ZNF407: variants seen among roughly 807,000 people sequenced by gnomAD.
ZNF407 encodes the protein zinc finger protein 407.
In ZNF407, 17 loss-of-function variants were observed where a neutral mutation model predicts 131.2. That is an observed-to-expected ratio of 0.13 (90% CI 0.09 to 0.19). The LOEUF (loss-of-function observed/expected upper bound fraction) is 0.19. Among genes scored for constraint, ZNF407 ranks in the 10% least tolerant of loss-of-function variants. The pLI, the probability that ZNF407 is intolerant of heterozygous loss-of-function variation, is 1.00. For missense variants in ZNF407, 2,681 were observed against 2,830.6 expected, an observed-to-expected ratio of 0.95 and a Z score of 1.20; for synonymous variants, 1,156 against 1,062.0, an observed-to-expected ratio of 1.09 and a Z score of -1.72.
intron 8 of ZNF407, among the ~76,000 whole-genome samples, chr18:75,012,849 T>C (rs1972996376): frequency 6.6e-6 from 1 of 152,070 alleles, no homozygotes; most frequent in Admixed American, 6.6e-5. Flanking sequence ...CATGCATTTT[T>C]CTAAATTCAG....
intron 8 of ZNF407, among the ~76,000 whole-genome samples, chr18:75,027,424 G>T (rs183048449): frequency 3.3e-5 from 5 of 152,308 alleles, no homozygotes; most frequent in Non-Finnish European, 7.4e-5. Context: ...GGAGATATTG[G>T]CTGCGATCAG....
At chr18:74,756,006 G>A (rs1008554914) in intron 3 of ZNF407, among the ~76,000 whole-genome samples, 9 of 135,122 alleles carry the variant, frequency 6.7e-5, no homozygotes, top group African/African-American at 2.5e-4. Flanking sequence ...CTATTCTTCT[G>A]CCTCAGCCTC....
chr18:74,771,402 C>T (rs1969356988), intron 3 of ZNF407, among the ~76,000 whole-genome samples: 1 of 151,918 alleles, frequency 6.6e-6, no homozygotes, highest in South Asian at 2.1e-4. Flanking sequence ...TTAACATGCT[C>T]ATTAATAGGT....
chr18:74,980,085 T>C (rs559423671), intron 8 of ZNF407, among the ~76,000 whole-genome samples: 1 of 150,534 alleles, frequency 6.6e-6, no homozygotes, highest in Non-Finnish European at 1.5e-5. Context: ...GCGTAAAAGC[T>C]GCTTCCACTG....
intron 8 of ZNF407, among the ~76,000 whole-genome samples, chr18:75,054,220 G>A (rs899461065): frequency 2.6e-5 from 4 of 152,226 alleles, no homozygotes; most frequent in Admixed American, 1.3e-4. Context: ...TTAGACCTCC[G>A]AAAGCTTTGC....
intron 3 of ZNF407, among the ~76,000 whole-genome samples, chr18:74,747,659 ATAC>A (rs1326518359): frequency 6.6e-6 from 1 of 152,120 alleles, no homozygotes; most frequent in African/African-American, 2.4e-5. Context: ...TTATTTGCCA[ATAC>A]TGTCTAGGGT....
intron 8 of ZNF407, among the ~76,000 whole-genome samples, chr18:74,922,431 C>T (rs1408636344): frequency 6.6e-6 from 1 of 151,998 alleles, no homozygotes; most frequent in Non-Finnish European, 1.5e-5. Context: ...ACGGATTGTT[C>T]CCTAAAGTAC....
rs377259868 is a variant in ZNF407, at chr18:74,959,249, T to C, written c.5428+38557T>C. On this transcript the variant is annotated intron_variant, in intron 8 of 8. Coordinates refer to ENST00000299687, the MANE Select transcript of ZNF407 (RefSeq NM_017757.3). ...GTTCAAGATCGCAATACTTCACAAA[T>C]GTAGGTGCTAAATTTTGAATTTAAA... is the stretch of plus-strand genomic sequence containing the variant. 2.7e-4 allele frequency among the ~76,000 whole-genome samples: 41 copies of C among 152,348 alleles called. No homozygotes were observed. The East Asian group carries it at 6.9e-3, about 26-fold the overall frequency.
intron 8 of ZNF407, among the ~76,000 whole-genome samples, chr18:75,025,683 G>A (rs574587448): frequency 1.3e-5 from 2 of 152,296 alleles, no homozygotes; most frequent in African/African-American, 4.8e-5. Flanking sequence ...TGGTATGGGG[G>A]AACAAAGAGC....
At chr18:75,055,133 G>A (rs927932683) in intron 8 of ZNF407, among the ~76,000 whole-genome samples, 1 of 152,162 alleles carries the variant, frequency 6.6e-6, no homozygotes, top group Non-Finnish European at 1.5e-5. Context: ...ACTCCTCCCC[G>A]TGCTTTATTT....
rs1007626777 is a variant in ZNF407, at chr18:74,913,071, A to G, written c.5250-7443A>G. ...AATTTGGTAGCCCCCTACCTTGACA[A>G]GCGTGTACAGAAACAGGCTCAGGCT... On this transcript the variant is annotated intron_variant, in intron 7 of 8. Transcript: ENST00000299687. Among the ~76,000 whole-genome samples the G allele has an allele frequency of 3.3e-5, 5 of 152,190 alleles. No individual in the cohort carries two copies. The East Asian group carries it at 9.6e-4, about 29-fold the overall frequency.
At chr18:74,728,003 T>G (rs929039581) in intron 3 of ZNF407, among the ~76,000 whole-genome samples, 1 of 152,180 alleles carries the variant, frequency 6.6e-6, no homozygotes, top group African/African-American at 2.4e-5. Flanking sequence ...GAGCGCCCTC[T>G]CCTACCGCAG....
chr18:74,808,444 T>C (rs1318170047), intron 4 of ZNF407, among the ~76,000 whole-genome samples: 1 of 152,256 alleles, frequency 6.6e-6, no homozygotes, highest in African/African-American at 2.4e-5. Flanking sequence ...GTTTGATAAT[T>C]ATTAAGCATA....
At chr18:74,982,755 C>T (rs898320704) in intron 8 of ZNF407, among the ~76,000 whole-genome samples, 6 of 151,966 alleles carry the variant, frequency 3.9e-5, no homozygotes, top group East Asian at 1.9e-4. Context: ...TGTTCTAAAA[C>T]GGCAAATTAA....
At position 75,063,705 on chromosome 18, in the gene ZNF407, C is replaced by A. The variant is rs559399736; in HGVS notation, c.5984C>A (p.Ala1995Glu). The A allele has an allele frequency of 1.2e-6, 2 of 1,611,884 alleles. No individual in the cohort carries two copies. Among genetic ancestry groups the A allele is most frequent in the Admixed American group, 3.3e-5 (2 of 59,908 alleles). ...TCAGCCCTGGATGCATTGCTCTGTG[C>A]GGTCACTGAATTAGGGGAGGTGGAG... ...ASSALDALLCAVTELGEVEGR... is the reference protein window; with the variant it reads ...ASSALDALLCEVTELGEVEGR... The change falls in exon 9 of 9, where the codon GCG becomes GAG. Residue 1995 changes from alanine (A) to glutamate (E), a missense_variant. Ala to Glu is a moderately radical substitution (Grantham distance 107). Transcript: ENST00000299687. This position sits in a 1 kb window ranked among gnomAD's most constrained non-coding sequence, Gnocchi z 6.6.
At chr18:74,691,881 C>T (rs917383621) in intron 3 of ZNF407, among the ~76,000 whole-genome samples, 3 of 151,978 alleles carry the variant, frequency 2.0e-5, no homozygotes, top group African/African-American at 7.3e-5. Flanking sequence ...ATCCCTTGAG[C>T]CCTGGAGTTA....
In ZNF407 at chr18:75,048,593, T is replaced by A. The variant is rs1973461762; in HGVS notation, c.5429-14557T>A. Among the ~76,000 whole-genome samples the A allele has an allele frequency of 1.3e-5, 2 of 152,172 alleles. 1 individual carries two copies. Among genetic ancestry groups the A allele is most frequent in the South Asian group, 4.1e-4 (2 of 4,828 alleles). The stretch of plus-strand genomic sequence containing the variant: ...TTGCCAGTAATAACTGACAGGACTC[T>A]AACTCTCAGCTCGATGTGAAAACAA... On this transcript the variant is annotated intron_variant, in intron 8 of 8. Coordinates refer to ENST00000299687, the MANE Select transcript of ZNF407 (RefSeq NM_017757.3). This position sits in a 1 kb window ranked among gnomAD's most constrained non-coding sequence, Gnocchi z 4.1.
chr18:74,961,119 T>G (rs1972339064), intron 8 of ZNF407, among the ~76,000 whole-genome samples: 1 of 152,176 alleles, frequency 6.6e-6, no homozygotes, highest in Non-Finnish European at 1.5e-5. Flanking sequence ...AAGGTGCTGC[T>G]TTCCCATTTT....
intron 1 of ZNF407, among the ~76,000 whole-genome samples, chr18:74,622,948 G>T (rs1199022960): frequency 6.6e-6 from 1 of 151,842 alleles, no homozygotes; most frequent in African/African-American, 2.4e-5. Context: ...GTATATATCT[G>T]TGTGTCAGTG....
Sources: allele counts gnomAD v4.1 joint callset (sites outside exome capture counted in the v4.1 genomes callset), GRCh38; gene constraint gnomAD v4.1.1; non-coding constraint Gnocchi (gnomAD v3.1); transcripts MANE v1.5; gene names NCBI Gene and HGNC (gene_info 2026-07-23, HGNC 2026-07-21).